ARID2: variants seen among roughly 807,000 people sequenced by gnomAD.
The protein encoded by ARID2 is AT-rich interaction domain 2.
A neutral mutation model predicts 184.6 loss-of-function variants in ARID2; 32 were observed. The ratio of observed to expected loss-of-function variants is 0.17; its 90% CI spans 0.13 to 0.23. The LOEUF is 0.23. ARID2 is among the 10% of genes least tolerant of loss of function. ARID2 has a pLI of 1.00. For missense variants in ARID2, 1,696 were observed against 2,197.6 expected, an observed-to-expected ratio of 0.77 and a Z score of 4.56; for synonymous variants, 836 against 772.6, an observed-to-expected ratio of 1.08 and a Z score of -1.36.
intron 3 of ARID2, among the ~76,000 whole-genome samples, chr12:45,755,297 T>G (rs1006710532): frequency 6.6e-6 from 1 of 152,224 alleles, no homozygotes. Flanking sequence ...GGAACATTAA[T>G]CTTACATTGG....
chr12:45,793,379 CTG>C (rs1477776089), intron 3 of ARID2, among the ~76,000 whole-genome samples: 1 of 150,994 alleles, frequency 6.6e-6, no homozygotes, highest in African/African-American at 2.4e-5. Flanking sequence ...TTTGAATTAA[CTG>C]AGGAATTTTT....
At chr12:45,803,896 G>A (rs1219908541) in intron 3 of ARID2, among the ~76,000 whole-genome samples, 2 of 152,100 alleles carry the variant, frequency 1.3e-5, no homozygotes, top group East Asian at 1.9e-4. Flanking sequence ...AGAAAATAAC[G>A]AATGAGTAAA....
At position 45,852,873 on chromosome 12, in the gene ARID2, T is replaced by C. The variant is rs2138182042; in HGVS notation, c.4750T>C (p.Tyr1584His). Residue 1584 changes from tyrosine to histidine, a missense_variant, in exon 15 of 21, where the codon TAT becomes CAT. Physicochemically the swap from Tyr to His is moderately conservative, Grantham distance 83. Coordinates refer to ENST00000334344, the MANE Select transcript of ARID2 (RefSeq NM_152641.4). ...GCAAAAGCAACAGCATCCACCAACATATGTACAGAATGTGGTCCCGCAGGT... is the reference window on the plus strand; with the variant it reads ...GCAAAAGCAACAGCATCCACCAACACATGTACAGAATGTGGTCCCGCAGGT... ...VQQKQQHPPT[Y>H]VQNVVPQNTP... 2 of 1,601,518 alleles carry C rather than the reference T, an allele frequency of 1.2e-6. No homozygotes were observed. The highest frequency in any genetic ancestry group is 4.5e-5 in the East Asian group (2 of 44,610).
intron 20 of ARID2, among the ~76,000 whole-genome samples, chr12:45,900,716 C>G (rs987913830): frequency 6.6e-6 from 1 of 152,050 alleles, no homozygotes; most frequent in African/African-American, 2.4e-5. Context: ...CATTTAAGAC[C>G]CTACATGCCT....
At chr12:45,802,965 CCTTTT>C (rs1159149786) in intron 3 of ARID2, among the ~76,000 whole-genome samples, 1 of 151,996 alleles carries the variant, frequency 6.6e-6, no homozygotes, top group Non-Finnish European at 1.5e-5. Context: ...CTTCCTTTTT[CCTTTT>C]CTTTTCCCGC....
intron 16 of ARID2, among the ~76,000 whole-genome samples, chr12:45,890,162 T>C (rs1944275841): frequency 6.6e-6 from 1 of 152,202 alleles, no homozygotes; most frequent in Non-Finnish European, 1.5e-5. Flanking sequence ...AAAAATAGAC[T>C]CTGAGGACAG....
At chr12:45,815,792 G>C (rs931072916) in intron 4 of ARID2, among the ~76,000 whole-genome samples, 5 of 152,074 alleles carry the variant, frequency 3.3e-5, no homozygotes, top group Non-Finnish European at 5.9e-5. Flanking sequence ...CTTCCAAACA[G>C]CTAGGATTAC....
At chr12:45,877,294 C>T (rs1314124744) in intron 16 of ARID2, among the ~76,000 whole-genome samples, 1 of 152,018 alleles carries the variant, frequency 6.6e-6, no homozygotes, top group Non-Finnish European at 1.5e-5. Flanking sequence ...ACCACCTAAG[C>T]TCTGCCCCCT....
intron 6 of ARID2, among the ~76,000 whole-genome samples, chr12:45,824,564 A>G (rs1316757174): frequency 6.6e-6 from 1 of 152,128 alleles, no homozygotes; most frequent in Non-Finnish European, 1.5e-5. Flanking sequence ...GTAAATGAGA[A>G]CCACAATGAG....
chr12:45,764,576 G>A (rs1941738648), intron 3 of ARID2, among the ~76,000 whole-genome samples: 1 of 152,164 alleles, frequency 6.6e-6, no homozygotes, highest in African/African-American at 2.4e-5. Context: ...CCTTACAAAT[G>A]TGCTTTTTCA....
intron 3 of ARID2, among the ~76,000 whole-genome samples, chr12:45,810,738 C>T (rs1032652534): frequency 6.6e-6 from 1 of 152,068 alleles, no homozygotes; most frequent in African/African-American, 2.4e-5. Context: ...TTGTAGAGGT[C>T]AAGGGTTACA....
chr12:45,759,988 A>T lies in ARID2; in HGVS notation c.284+28674A>T, dbSNP rs556320843. ...ATGATTCTTATTTTCTGATCTTTTCAAATTAATTTCTCTTTAGGCTTAAGC... is the reference window on the plus strand; with the variant it reads ...ATGATTCTTATTTTCTGATCTTTTCTAATTAATTTCTCTTTAGGCTTAAGC... On this transcript the variant is annotated intron_variant, in intron 3 of 20. Transcript: ENST00000334344. 2.6e-5 allele frequency among the ~76,000 whole-genome samples: 4 copies of T among 152,298 alleles called. No individual in the cohort carries two copies. The South Asian group carries it at 8.3e-4, about 32-fold the overall frequency.
chr12:45,759,633 G>A (rs992610022), intron 3 of ARID2, among the ~76,000 whole-genome samples: 6 of 152,012 alleles, frequency 3.9e-5, no homozygotes, highest in East Asian at 1.9e-4. Context: ...CATATCTCTC[G>A]TATGTAAACA....
In ARID2 at chr12:45,778,759, T is replaced by C. The variant is rs146989658; in HGVS notation, c.285-32659T>C. ...TCATATAATATTTTATGTATTAATC[T>C]GAATTAAAATCTTTGGAAAATAATG... On this transcript the variant is annotated intron_variant, in intron 3 of 20. Transcript: ENST00000334344. Among the ~76,000 whole-genome samples, 681 of 152,156 alleles carry C rather than the reference T, an allele frequency of 4.5e-3. 4 individuals are homozygous for C. Among genetic ancestry groups the C allele is most frequent in the African/African-American group, 0.014 (596 of 41,568 alleles).
At chr12:45,770,946 C>T (rs1201916110) in intron 3 of ARID2, among the ~76,000 whole-genome samples, 1 of 152,054 alleles carries the variant, frequency 6.6e-6, no homozygotes, top group Non-Finnish European at 1.5e-5. Flanking sequence ...CACCAGGGAA[C>T]CATCCCTATC....
In ARID2 at chr12:45,851,893, A is replaced by AT. The variant is rs1565624082; in HGVS notation, c.3771dup (p.Val1258CysfsTer3). The AT allele has an allele frequency of 6.2e-7, 1 of 1,614,096 alleles. No homozygotes were observed. ...GAAGCAAAGGAAGCAACAGGTTTAC[A>AT]TGTTCATGAACGTAAAATTGAAGTC... On this transcript the variant is annotated frameshift_variant, in exon 15 of 21. Coordinates refer to ENST00000334344, the MANE Select transcript of ARID2 (RefSeq NM_152641.4). LOFTEE classifies it high-confidence loss of function.
intron 20 of ARID2, among the ~76,000 whole-genome samples, chr12:45,899,920 G>T (rs111595414): frequency 6.6e-6 from 1 of 151,328 alleles, no homozygotes; most frequent in Admixed American, 6.6e-5. Flanking sequence ...TAAGAAATTG[G>T]ATAAACCTCT....
At chr12:45,875,457 A>G (rs1026824204) in intron 16 of ARID2, among the ~76,000 whole-genome samples, 4 of 152,226 alleles carry the variant, frequency 2.6e-5, no homozygotes, top group African/African-American at 9.6e-5. Flanking sequence ...TTCAACTTAA[A>G]GTCACCAGCT....
chr12:45,731,757 G>T (rs956164629), intron 3 of ARID2, among the ~76,000 whole-genome samples: 3 of 150,880 alleles, frequency 2.0e-5, no homozygotes, highest in Non-Finnish European at 3.0e-5. Flanking sequence ...GAAACTTCTT[G>T]TTTGGAACAG....
Sources: allele counts gnomAD v4.1 joint callset (sites outside exome capture counted in the v4.1 genomes callset), GRCh38; gene constraint gnomAD v4.1.1; transcripts MANE v1.5; gene names NCBI Gene and HGNC (gene_info 2026-07-23, HGNC 2026-07-21).